Variants in SPSB1 observed in about 807,000 individuals in gnomAD.
SPSB1 encodes splA/ryanodine receptor domain and SOCS box containing 1.
A neutral mutation model predicts 21.2 loss-of-function variants in SPSB1; 8 were observed. The observed-to-expected ratio is 0.38, with a 90% CI of 0.22 to 0.68. SPSB1 has a LOEUF of 0.68. SPSB1 is among the 30% of genes least tolerant of loss of function. SPSB1 has a pLI of 0.53. For synonymous variants in SPSB1, 169 were observed against 161.7 expected, an observed-to-expected ratio of 1.05 and a Z score of -0.34; for missense variants, 242 against 377.8, an observed-to-expected ratio of 0.64 and a Z score of 2.98.
chr1:9,294,771 T>C (rs1252628319), intron 1 of SPSB1, among the ~76,000 whole-genome samples: 7 of 152,162 alleles, frequency 4.6e-5, no homozygotes, highest in Non-Finnish European at 1.0e-4. Context: ...TCGTGGGGTG[T>C]GAGGAGAACA....
chr1:9,345,943 G>T lies in SPSB1; in HGVS notation c.-149-9800G>T, dbSNP rs966380397. Among the ~76,000 whole-genome samples the T allele has an allele frequency of 2.6e-5, 4 of 152,094 alleles. No homozygotes were observed. The highest frequency in any genetic ancestry group is 7.3e-5 in the African/African-American group (3 of 41,358). ...GTAACCACGTGTCACAAGCCCTGCT[G>T]GTGGTGGCCCCTTTGCCAGGGGCTC... On this transcript the variant is annotated intron_variant, in intron 1 of 2. Coordinates refer to ENST00000328089, the MANE Select transcript of SPSB1 (RefSeq NM_025106.4). The surrounding 1 kb of genome is among the most constrained non-coding windows in gnomAD (Gnocchi z 4.8).
chr1:9,307,373 A>G (rs1569573330), intron 1 of SPSB1, among the ~76,000 whole-genome samples: 1 of 152,044 alleles, frequency 6.6e-6, no homozygotes, highest in Admixed American at 6.6e-5. Context: ...CCGGAAGGAA[A>G]CCCCATCCAC....
At chr1:9,358,134 C>T (rs987245047) in intron 2 of SPSB1, among the ~76,000 whole-genome samples, 6 of 152,226 alleles carry the variant, frequency 3.9e-5, no homozygotes, top group African/African-American at 1.4e-4. Context: ...TGCTCCTCCT[C>T]CCCCACGTCA....
intron 1 of SPSB1, among the ~76,000 whole-genome samples, chr1:9,331,057 T>A (rs1557455396): frequency 6.6e-6 from 1 of 152,198 alleles, no homozygotes; most frequent in Non-Finnish European, 1.5e-5. Context: ...GGGATGCCAT[T>A]ATTTTATTAG....
chr1:9,309,021 G>A (rs926651790), intron 1 of SPSB1, among the ~76,000 whole-genome samples: 4 of 152,080 alleles, frequency 2.6e-5, no homozygotes, highest in Non-Finnish European at 5.9e-5. Context: ...TCCTGAGACT[G>A]TCAGGAGGGT....
rs1415344697 is a variant in SPSB1 at position 9,293,653 on chromosome 1, G to A, written c.-150+582G>A. Among the ~76,000 whole-genome samples the A allele has an allele frequency of 6.6e-6, 1 of 152,162 alleles. No homozygotes were observed. The highest frequency in any genetic ancestry group is 1.5e-5 in the Non-Finnish European group (1 of 67,994). The stretch of plus-strand genomic sequence containing the variant: ...AGCCGCCGCGGCTTCTCCCAGCAGC[G>A]GAGGGAGAGCCGGAGGGTTGTCAGG... On this transcript the variant is annotated intron_variant, in intron 1 of 2. Coordinates refer to ENST00000328089, the MANE Select transcript of SPSB1 (RefSeq NM_025106.4). The surrounding 1 kb of genome is among the most constrained non-coding windows in gnomAD (Gnocchi z 5.1).
chr1:9,307,142 G>A (rs1048775149), intron 1 of SPSB1, among the ~76,000 whole-genome samples: 3 of 151,912 alleles, frequency 2.0e-5, no homozygotes, highest in African/African-American at 4.8e-5. Context: ...TGGCCAGGCC[G>A]GTCTCGAACT....
Position 9,328,622 on chromosome 1 carries a change from C to T in SPSB1, c.-149-27121C>T, listed in dbSNP as rs367740286. The stretch of plus-strand genomic sequence containing the variant: ...GCTGATGAGTGTGTTGGGGTGAGCA[C>T]CAACGCCCCACCCACTGCCTCCCTC... On this transcript the variant is annotated intron_variant, in intron 1 of 2. Coordinates refer to ENST00000328089, the MANE Select transcript of SPSB1 (RefSeq NM_025106.4). Among the ~76,000 whole-genome samples, 26 of 152,330 alleles carry T rather than the reference C, an allele frequency of 1.7e-4. 1 individual carries two copies. Among genetic ancestry groups the T allele is most frequent in the African/African-American group, 6.0e-4 (25 of 41,578 alleles).
intron 1 of SPSB1, among the ~76,000 whole-genome samples, chr1:9,339,966 AG>A (rs961756215): frequency 6.6e-6 from 1 of 151,088 alleles, no homozygotes; most frequent in African/African-American, 2.4e-5. Flanking sequence ...TGTTTCCTCC[AG>A]CCCCCCACCT....
intron 1 of SPSB1, among the ~76,000 whole-genome samples, chr1:9,319,871 C>A (rs1317654735): frequency 6.6e-6 from 1 of 152,080 alleles, no homozygotes; most frequent in African/African-American, 2.4e-5. Flanking sequence ...CAGTCGCCAC[C>A]TGGCTGCAGG....
intron 2 of SPSB1, among the ~76,000 whole-genome samples, chr1:9,365,622 T>C (rs1378944431): frequency 1.3e-5 from 2 of 152,208 alleles, no homozygotes; most frequent in Admixed American, 1.3e-4. Flanking sequence ...AGAAACCCTA[T>C]ACCCATAAGC....
At chr1:9,349,147 C>T (rs1640211106) in intron 1 of SPSB1, among the ~76,000 whole-genome samples, 1 of 152,154 alleles carries the variant, frequency 6.6e-6, no homozygotes, top group Non-Finnish European at 1.5e-5. Flanking sequence ...GGCAGAATCT[C>T]CTCCAGGGTG....
chr1:9,298,777 C>T (rs1639268111), intron 1 of SPSB1, among the ~76,000 whole-genome samples: 1 of 152,126 alleles, frequency 6.6e-6, no homozygotes, highest in African/African-American at 2.4e-5. Context: ...ATCCCTGAAC[C>T]CATCCTGGGG....
intron 1 of SPSB1, among the ~76,000 whole-genome samples, chr1:9,332,141 A>AGAAG (rs1639931793): frequency 6.6e-6 from 1 of 151,976 alleles, no homozygotes; most frequent in South Asian, 2.1e-4. Flanking sequence ...GCTTGAGGCC[A>AGAAG]GAAGTTTGAG....
Position 9,330,704 on chromosome 1 carries a change from C to CT in SPSB1, c.-149-25027dup, listed in dbSNP as rs5772366. On this transcript the variant is annotated intron_variant, in intron 1 of 2. Coordinates refer to ENST00000328089, the MANE Select transcript of SPSB1 (RefSeq NM_025106.4). The stretch of plus-strand genomic sequence containing the variant: ...TTAGACTGGAGCATGTTCTTCTGAA[C>CT]TTTTTTTTTTTTAATCGTGGTAAAA... Among the ~76,000 whole-genome samples, 6 of 150,054 alleles carry CT rather than the reference C, an allele frequency of 4.0e-5. No homozygotes were observed. In the Admixed American group the frequency reaches 4.0e-4, roughly 10 times the overall value.
At chr1:9,320,417 G>A (rs1048633797) in intron 1 of SPSB1, among the ~76,000 whole-genome samples, 2 of 152,020 alleles carry the variant, frequency 1.3e-5, no homozygotes, top group Admixed American at 1.3e-4. Context: ...CCCCACGTGT[G>A]TGCAGATATG....
At chr1:9,344,291 A>G (rs1173360987) in intron 1 of SPSB1, among the ~76,000 whole-genome samples, 1 of 152,076 alleles carries the variant, frequency 6.6e-6, no homozygotes. Context: ...CGGGATCAGG[A>G]ATTTGCATCT....
chr1:9,298,781 C>A (rs1356971257), intron 1 of SPSB1, among the ~76,000 whole-genome samples: 1 of 152,160 alleles, frequency 6.6e-6, no homozygotes, highest in Non-Finnish European at 1.5e-5. Flanking sequence ...CTGAACCCAT[C>A]CTGGGGTTAT....
At position 9,329,366 on chromosome 1, in the gene SPSB1, G is replaced by T. The variant is rs865975548; in HGVS notation, c.-149-26377G>T. Among the ~76,000 whole-genome samples the T allele has an allele frequency of 2.6e-5, 4 of 152,112 alleles. No homozygotes were observed. The South Asian group carries it at 6.2e-4, about 24-fold the overall frequency. On this transcript the variant is annotated intron_variant, in intron 1 of 2. Transcript: ENST00000328089. ...TCCAGGAACTTCATGCCAAGGGCTG[G>T]AGGGCAGTGATGGAGAGGTCAGGGG...
Sources: gnomAD v4.1 joint callset for allele counts (sites outside exome capture counted in the v4.1 genomes callset) on GRCh38, gnomAD v4.1.1 for gene constraint, Gnocchi (gnomAD v3.1) non-coding constraint, MANE v1.5 for transcripts, NCBI Gene and HGNC (gene_info 2026-07-23, HGNC 2026-07-21) for gene names.